The following UGT1A8 variants were observed in gnomAD, a reference collection of about 807,000 sequenced individuals.
UGT1A8 encodes UDP-glucuronosyltransferase 1A8.
Under a neutral mutation model 45.3 loss-of-function variants are expected in UGT1A8, and 39 were observed. The observed-to-expected ratio is 0.86, with a 90% CI of 0.67 to 1.12. The LOEUF (loss-of-function observed/expected upper bound fraction) is 1.12. Among genes scored for constraint, UGT1A8 ranks in the 50% most tolerant of loss-of-function variants. The probability of loss-of-function intolerance (pLI) is 0.00; values close to 1 mark genes in which losing one functional copy is unlikely to be tolerated. For missense variants in UGT1A8, 719 were observed against 664.9 expected, an observed-to-expected ratio of 1.08 and a Z score of -0.90; for synonymous variants, 275 against 249.2, an observed-to-expected ratio of 1.10 and a Z score of -0.97.
chr2:233,672,377 A>G, intron 1 of UGT1A8: 1 of 1,614,114 alleles, frequency 6.2e-7, no homozygotes. Context: ...GTGTTTCTCG[A>G]TCCTTTTGAT....
chr2:233,751,170 A>T (rs1445268336), intron 1 of UGT1A8, among the ~76,000 whole-genome samples: 1 of 151,986 alleles, frequency 6.6e-6, no homozygotes. Flanking sequence ...CATGACCTAG[A>T]TATGAGACAT....
intron 1 of UGT1A8, among the ~76,000 whole-genome samples, chr2:233,637,746 A>G (rs1175997987): frequency 6.6e-6 from 1 of 152,162 alleles, no homozygotes; most frequent in Admixed American, 6.5e-5. Context: ...GAAAAAAAGT[A>G]TTTTAGGCAT....
intron 1 of UGT1A8, among the ~76,000 whole-genome samples, chr2:233,763,573 CTCTT>C (rs1698348195): frequency 1.3e-5 from 2 of 152,188 alleles, no homozygotes; most frequent in African/African-American, 4.8e-5. Flanking sequence ...TTCTTATTTT[CTCTT>C]TCTTCCTTTG....
chr2:233,623,640 T>G (rs1175662684), intron 1 of UGT1A8, among the ~76,000 whole-genome samples: 1 of 152,198 alleles, frequency 6.6e-6, no homozygotes, highest in African/African-American at 2.4e-5. Flanking sequence ...TAATATTATC[T>G]CATTTCCAGT....
At chr2:233,671,239 G>T (rs988262933) in intron 1 of UGT1A8, among the ~76,000 whole-genome samples, 1 of 152,212 alleles carries the variant, frequency 6.6e-6, no homozygotes, top group African/African-American at 2.4e-5. Context: ...CAAGGATTGG[G>T]CGGGCAACTT....
intron 1 of UGT1A8, among the ~76,000 whole-genome samples, chr2:233,651,856 A>T (rs2073750082): frequency 6.6e-6 from 1 of 152,214 alleles, no homozygotes; most frequent in African/African-American, 2.4e-5. Context: ...GATCCTACAT[A>T]GGGGTTTTTC....
intron 1 of UGT1A8, among the ~76,000 whole-genome samples, chr2:233,728,866 T>C (rs1366541445): frequency 6.6e-6 from 1 of 152,200 alleles, no homozygotes; most frequent in African/African-American, 2.4e-5. Context: ...AACAAGAGCT[T>C]GAACTTGGAT....
chr2:233,712,867 C>T lies in UGT1A8; in HGVS notation c.856-54167C>T, dbSNP rs535442696. ...CGGGTAATAAGTAACTGGAGGAGGG[C>T]ACTCTGTCTTCAATTACATGTTGAT... On this transcript the variant is annotated intron_variant, in intron 1 of 4. Transcript: ENST00000373450. 1.4e-5 allele frequency: 22 copies of T among 1,575,314 alleles called. No individual in the cohort carries two copies. The African/African-American group carries it at 2.4e-4, about 17-fold the overall frequency.
chr2:233,646,411 A>G (rs2073605495), intron 1 of UGT1A8, among the ~76,000 whole-genome samples: 1 of 152,068 alleles, frequency 6.6e-6, no homozygotes, highest in Non-Finnish European at 1.5e-5. Flanking sequence ...AGAAAATGGG[A>G]TTTTCTTTTC....
rs1282316555 is a variant in UGT1A8, at chr2:233,643,141, G to A, written c.855+24579G>A. On this transcript the variant is annotated intron_variant, in intron 1 of 4. Coordinates refer to ENST00000373450, the MANE Select transcript of UGT1A8 (RefSeq NM_019076.5). ...GACCTGCATCCCTCCCTTCAGAATG[G>A]CAAGGTCCCCCAGGCCCTGGGTGGG... 3.9e-5 allele frequency among the ~76,000 whole-genome samples: 6 copies of A among 152,340 alleles called. No individual in the cohort carries two copies. The East Asian group carries it at 1.2e-3, about 29-fold the overall frequency.
chr2:233,672,386 A>G (rs1575416023), intron 1 of UGT1A8: 4 of 1,614,110 alleles, frequency 2.5e-6, no homozygotes, highest in Admixed American at 1.7e-5. Context: ...GATCCTTTTG[A>G]TAACTGTGGC....
intron 1 of UGT1A8, chr2:233,671,769 T>G: frequency 7.3e-7 from 1 of 1,368,374 alleles, no homozygotes; most frequent in Non-Finnish European, 9.6e-7. Flanking sequence ...GCTACTCATA[T>G]ATTCTTGTTC....
intron 1 of UGT1A8, among the ~76,000 whole-genome samples, chr2:233,702,741 C>T (rs1443412065): frequency 2.0e-5 from 3 of 152,054 alleles, no homozygotes; most frequent in Non-Finnish European, 4.4e-5. Flanking sequence ...TCTTTTTGGT[C>T]CCCTATTCTA....
At chr2:233,720,981 G>A (rs746699495) in intron 1 of UGT1A8, among the ~76,000 whole-genome samples, 2 of 151,748 alleles carry the variant, frequency 1.3e-5, no homozygotes, top group Non-Finnish European at 2.9e-5. Flanking sequence ...AAAGTGCTGG[G>A]ATTACAGGCA....
intron 1 of UGT1A8, among the ~76,000 whole-genome samples, chr2:233,763,075 G>A (rs563223055): frequency 3.9e-5 from 6 of 152,246 alleles, no homozygotes; most frequent in African/African-American, 1.2e-4. Flanking sequence ...CCTTCTTTGC[G>A]TGAGGATGTT....
chr2:233,719,576 A>G, intron 1 of UGT1A8: 1 of 1,613,934 alleles, frequency 6.2e-7, no homozygotes, highest in East Asian at 2.2e-5. Context: ...TCAGCTATGC[A>G]TCCGTGTGGC....
At chr2:233,651,602 C>T (rs1164867991) in intron 1 of UGT1A8, among the ~76,000 whole-genome samples, 2 of 152,130 alleles carry the variant, frequency 1.3e-5, no homozygotes, top group African/African-American at 4.8e-5. Context: ...TTACAACATA[C>T]CTACAAAAGT....
chr2:233,703,753 TA>T (rs1452282622), intron 1 of UGT1A8, among the ~76,000 whole-genome samples: 1 of 152,214 alleles, frequency 6.6e-6, no homozygotes. Context: ...ATCTCAAATG[TA>T]TCTTCTGCAG....
rs78733940 is a variant in UGT1A8 at position 233,687,983 on chromosome 2, A to G, written c.855+69421A>G. Among the ~76,000 whole-genome samples, 1,272 of 152,352 alleles carry G rather than the reference A, an allele frequency of 8.3e-3. 13 individuals are homozygous for G. The highest frequency in any genetic ancestry group is 0.029 in the African/African-American group (1,199 of 41,588). On this transcript the variant is annotated intron_variant, in intron 1 of 4. Transcript: ENST00000373450. Reference sequence around the variant, plus strand: ...ATGTAATTCATGTATCGTAAAATTCAGTGGTTTTCTGTGTGCTCCCAGATA... The same window carrying G: ...ATGTAATTCATGTATCGTAAAATTCGGTGGTTTTCTGTGTGCTCCCAGATA...
Sources: gnomAD v4.1 joint callset for allele counts (sites outside exome capture counted in the v4.1 genomes callset) on GRCh38, gnomAD v4.1.1 for gene constraint, MANE v1.5 for transcripts, NCBI Gene and HGNC (gene_info 2026-07-23, HGNC 2026-07-21) for gene names.